Variants in MRPS23 observed in about 807,000 individuals in gnomAD.
MRPS23 encodes the protein small ribosomal subunit protein mS23.
A neutral mutation model predicts 19.8 loss-of-function variants in MRPS23; 14 were observed. The observed-to-expected ratio is 0.71, with a 90% CI of 0.47 to 1.11. The LOEUF is 1.11. Ranked by LOEUF, MRPS23 falls within the 50% of genes least tolerant of loss-of-function variation. The pLI is 0.00. For missense variants in MRPS23, 242 were observed against 236.7 expected (o/e 1.02, Z -0.15); for synonymous variants, 113 against 89.7 (o/e 1.26, Z -1.47).
intron 2 of MRPS23, among the ~76,000 whole-genome samples, chr17:57,842,437 A>C (rs2144874635): frequency 6.6e-6 from 1 of 152,336 alleles, no homozygotes; most frequent in South Asian, 2.1e-4. Flanking sequence ...ACTGTATCTG[A>C]GCAGTCACTC....
At chr17:57,849,176 G>T in intron 2 of MRPS23, 64 bp downstream of exon 2, 1 of 1,566,948 alleles carries the variant, frequency 6.4e-7, no homozygotes, top group Non-Finnish European at 8.7e-7. Flanking sequence ...TTCCCAGACT[G>T]CTACCGAAAC....
rs200749024 is a variant in MRPS23 at position 57,849,225 on chromosome 17, G to A, written c.215+15C>T. On this transcript the variant is annotated intron_variant, in intron 2 of 4. Coordinates refer to ENST00000313608, the MANE Select transcript of MRPS23 (RefSeq NM_016070.4). Reference sequence around the variant, plus strand: ...GTTCTGTTGCCTCCTGTCCACTACAGGGCTGAGCACTCACGCTCTAATCCG... The same window carrying A: ...GTTCTGTTGCCTCCTGTCCACTACAAGGCTGAGCACTCACGCTCTAATCCG... The A allele has an allele frequency of 1.2e-6, 2 of 1,613,712 alleles. No homozygotes were observed. The highest frequency in any genetic ancestry group is 2.2e-5 in the East Asian group (1 of 44,878).
In MRPS23 at chr17:57,835,317, G is replaced by C. The variant is rs1333174914; in HGVS notation, c.*4466C>G. 6.6e-6 allele frequency: 1 copy of C among 152,182 alleles called. No homozygotes were observed. The highest frequency in any genetic ancestry group is 1.5e-5 in the Non-Finnish European group (1 of 68,034). The allele number at this position is 152,182 out of a possible 1,614,324, so 9.4% of individuals were successfully genotyped here. Reference sequence around the variant, plus strand: ...GAGCACCAGTTCCACGTCACCAACTGGGTGTTAGTGATGCTGCTAAGTTTT... The same window carrying C: ...GAGCACCAGTTCCACGTCACCAACTCGGTGTTAGTGATGCTGCTAAGTTTT... On this transcript the variant is annotated 3_prime_UTR_variant, in exon 5 of 5. Transcript: ENST00000313608.
Position 57,836,922 on chromosome 17 carries a change from G to C in MRPS23, c.*2861C>G, listed in dbSNP as rs969039839. The C allele has an allele frequency of 6.6e-6, 1 of 152,050 alleles. No homozygotes were observed. Among genetic ancestry groups the C allele is most frequent in the African/African-American group, 2.4e-5 (1 of 41,408 alleles). 9.4% of individuals were successfully genotyped at this position (152,050 alleles called of 1,614,324 possible). ...TCGAACTCCTGACCTCAGGTGATCC[G>C]CCCACCTTGGCCTCCCAAAGTGCTG... is the stretch of plus-strand genomic sequence containing the variant. On this transcript the variant is annotated 3_prime_UTR_variant, in exon 5 of 5. Transcript: ENST00000313608.
In MRPS23 at chr17:57,835,076, C is replaced by T. The variant is rs2144868665; in HGVS notation, c.*4707G>A. ...AGACATGGGACGTGAATTTCTTTTGCTGGCTTTCTCATTCCTCCTATTCTA... is the reference window on the plus strand; with the variant it reads ...AGACATGGGACGTGAATTTCTTTTGTTGGCTTTCTCATTCCTCCTATTCTA... On this transcript the variant is annotated 3_prime_UTR_variant, in exon 5 of 5. Coordinates refer to ENST00000313608, the MANE Select transcript of MRPS23 (RefSeq NM_016070.4). 1 of 152,352 alleles carries T rather than the reference C, an allele frequency of 6.6e-6. No individual in the cohort carries two copies. The highest frequency in any genetic ancestry group is 2.4e-5 in the African/African-American group (1 of 41,560). 9.4% of individuals were successfully genotyped at this position (152,352 alleles called of 1,614,324 possible).
chr17:57,844,104 T>C (rs560292856), intron 2 of MRPS23, among the ~76,000 whole-genome samples: 1 of 151,754 alleles, frequency 6.6e-6, no homozygotes, highest in South Asian at 2.1e-4. Flanking sequence ...TTGTTTTATT[T>C]ATTTTGTTGT....
chr17:57,849,455 GC>G, intron 1 of MRPS23, 45 bp from the exon 2 acceptor site: 2 of 1,599,924 alleles, frequency 1.3e-6, no homozygotes, highest in Non-Finnish European at 1.7e-6. Context: ...GCAGTAGCCT[GC>G]CAAAGCCCCT....
rs539392683 is a variant in MRPS23 at position 57,843,649 on chromosome 17, T to C, written c.216-2389A>G. On this transcript the variant is annotated intron_variant, in intron 2 of 4. Transcript: ENST00000313608. ...TAGAAGAGAGCTTGCTACCACTCTC[T>C]GCTCCCCTCAATGTGAGGAATCAGG... Among the ~76,000 whole-genome samples the C allele has an allele frequency of 3.9e-5, 6 of 152,252 alleles. No individual in the cohort carries two copies. In the East Asian group the frequency reaches 1.2e-3, roughly 29 times the overall value.
At chr17:57,846,750 C>A (rs560907545) in intron 2 of MRPS23, among the ~76,000 whole-genome samples, 1 of 152,044 alleles carries the variant, frequency 6.6e-6, no homozygotes, top group East Asian at 1.9e-4. Flanking sequence ...ACTCCCTAAT[C>A]TCAAGTACCC....
intron 2 of MRPS23, among the ~76,000 whole-genome samples, chr17:57,842,202 T>A (rs1198722393): frequency 6.6e-6 from 1 of 152,150 alleles, no homozygotes. Context: ...TTTGTAGAGA[T>A]GCAGTCTCAC....
chr17:57,849,929 G>A (rs2073801015), intron 1 of MRPS23, 38 bp downstream of exon 1: 2 of 1,574,346 alleles, frequency 1.3e-6, no homozygotes, highest in African/African-American at 2.7e-5. Context: ...CCAGCCTGGG[G>A]GAGGCACCCT....
intron 2 of MRPS23, among the ~76,000 whole-genome samples, chr17:57,844,127 C>CTT (rs375774006): frequency 2.9e-5 from 4 of 137,302 alleles, no homozygotes; most frequent in Admixed American, 1.5e-4. Flanking sequence ...GTTCCTTTTT[C>CTT]TTTTTTTTTT....
rs1240922066 is a variant in MRPS23 at position 57,836,041 on chromosome 17, A to G, written c.*3742T>C. 7.1e-6 allele frequency: 1 copy of G among 141,784 alleles called. No homozygotes were observed. Among genetic ancestry groups the G allele is most frequent in the Non-Finnish European group, 1.5e-5 (1 of 66,306 alleles). 8.8% of individuals were successfully genotyped at this position (141,784 alleles called of 1,614,324 possible). A position where few individuals can be genotyped will look rare whatever the true frequency, so the allele number is the denominator to read the frequency against. On this transcript the variant is annotated 3_prime_UTR_variant, in exon 5 of 5. Transcript: ENST00000313608. ...ATGATCTCAGCTCACTGTAACCTCC[A>G]CCTCCTGGGTTCAAGCGATTCTCCT...
chr17:57,849,167 T>A, intron 2 of MRPS23, 73 bp downstream of exon 2: 1 of 1,552,104 alleles, frequency 6.4e-7, no homozygotes, highest in Non-Finnish European at 8.7e-7. Context: ...ATGTTTGAAT[T>A]CCCAGACTGC....
chr17:57,839,997 A>C, intron 4 of MRPS23, 62 bp from the exon 5 acceptor site: 1 of 1,588,434 alleles, frequency 6.3e-7, no homozygotes, highest in Non-Finnish European at 8.6e-7. Flanking sequence ...TAATTCGCTA[A>C]AGATATATAA....
rs373363874 is a variant in MRPS23 at position 57,839,735 on chromosome 17, A to C, written c.*48T>G. 5 of 1,584,796 alleles carry C rather than the reference A, an allele frequency of 3.2e-6. No individual in the cohort carries two copies. Among genetic ancestry groups the C allele is most frequent in the Non-Finnish European group, 4.3e-6 (5 of 1,161,426 alleles). On this transcript the variant is annotated 3_prime_UTR_variant, in exon 5 of 5. Transcript: ENST00000313608. ...ACTGTTTAAAAATAGCTCAACATTC[A>C]GCCAGTGAGTAGAGTGTGAATGCCA...
intron 2 of MRPS23, among the ~76,000 whole-genome samples, chr17:57,848,047 G>T (rs969003266): frequency 2.0e-5 from 3 of 152,020 alleles, no homozygotes; most frequent in African/African-American, 7.2e-5. Context: ...CAAGGATAAA[G>T]TAAGAACTCT....
chr17:57,843,472 TTG>T (rs2073753428), intron 2 of MRPS23, among the ~76,000 whole-genome samples: 1 of 152,378 alleles, frequency 6.6e-6, no homozygotes, highest in Middle Eastern at 3.4e-3. Context: ...GCTTTTCTAT[TTG>T]GTGGTTGCTA....
rs1289204538 is a variant in MRPS23, at chr17:57,840,919, TACTC to T, written c.420+3_420+6del. The T allele has an allele frequency of 1.2e-6, 2 of 1,613,838 alleles. No individual in the cohort carries two copies. Among genetic ancestry groups the T allele is most frequent in the Non-Finnish European group, 1.7e-6 (2 of 1,179,904 alleles). Reference sequence around the variant, plus strand: ...CCCAGTAACAATTTTAACAATGAAATACTCACAGTCCTTGCTTCGCCTACTCGTC... The same window carrying T: ...CCCAGTAACAATTTTAACAATGAAATACAGTCCTTGCTTCGCCTACTCGTC... On this transcript the variant is annotated splice_donor_5th_base_variant and intron_variant, in intron 4 of 4. Transcript: ENST00000313608.
Sources: gnomAD v4.1 joint callset for allele counts (sites outside exome capture counted in the v4.1 genomes callset) on GRCh38, gnomAD v4.1.1 for gene constraint, MANE v1.5 for transcripts, NCBI Gene and HGNC (gene_info 2026-07-23, HGNC 2026-07-21) for gene names.